The following ADGRE5 variants were observed in gnomAD, a reference collection of about 807,000 sequenced individuals.
ADGRE5 encodes the protein CD97 molecule.
ADGRE5 carries 72 observed loss-of-function variants against 100.3 expected under a neutral mutation model. The ratio of observed to expected loss-of-function variants is 0.72; its 90% CI spans 0.59 to 0.87. The LOEUF is 0.87. ADGRE5 is among the 40% of genes least tolerant of loss of function. The pLI is 0.00. For synonymous variants in ADGRE5, 439 were observed against 447.8 expected (o/e 0.98, Z 0.25); for missense variants, 959 against 1,094.7 (o/e 0.88, Z 1.75).
intron 18 of ADGRE5, 45 bp downstream of exon 18, chr19:14,407,274 T>C (rs1976299028): frequency 6.2e-7 from 1 of 1,606,394 alleles, no homozygotes; most frequent in South Asian, 1.1e-5. Context: ...TCCTCCCACC[T>C]ATTTGGGAGG....
At chr19:14,407,379 G>C (rs1208213360) in intron 18 of ADGRE5, 150 bp downstream of exon 18, 5 of 894,308 alleles carry the variant, frequency 5.6e-6, no homozygotes, top group African/African-American at 3.4e-5. Context: ...AAGATAGCCA[G>C]GGTGAGGCGC....
chr19:14,397,713 C>T lies in ADGRE5; in HGVS notation c.681C>T (p.Phe227=). ...QHQCDSSTVC[F]NTVGSYSCRC... is the part of the protein sequence containing the mutation. ...AGTGTGACAGCTCCACCGTCTGCTT[C>T]AACACCGTGGGTTCATACAGCTGCC... The change falls in exon 7 of 20, where the codon TTC becomes TTT. Residue 227 remains phenylalanine, a synonymous_variant. Coordinates refer to ENST00000242786, the MANE Select transcript of ADGRE5 (RefSeq NM_078481.4). 4.0e-6 allele frequency: 6 copies of T among 1,496,766 alleles called. No homozygotes were observed. The highest frequency in any genetic ancestry group is 5.5e-6 in the Non-Finnish European group (6 of 1,085,326). The allele number at this position is 1,496,766 out of a possible 1,614,324, so 92.7% of individuals were successfully genotyped here.
intron 18 of ADGRE5, 26 bp downstream of exon 18, chr19:14,407,255 C>T (rs369349812): frequency 3.2e-5 from 52 of 1,612,548 alleles, no homozygotes; most frequent in South Asian, 2.6e-4. Flanking sequence ...CAGTGGCGCA[C>T]GCCTGTCATC....
chr19:14,381,618 G>T, intron 1 of ADGRE5, 73 bp downstream of exon 1: 1 of 1,526,916 alleles, frequency 6.5e-7, no homozygotes, highest in East Asian at 2.4e-5. Flanking sequence ...TCTGAGAAAC[G>T]GGAGGCGCCG....
intron 4 of ADGRE5, among the ~76,000 whole-genome samples, chr19:14,395,050 C>T (rs1975725511): frequency 6.6e-6 from 1 of 152,122 alleles, no homozygotes; most frequent in Non-Finnish European, 1.5e-5. Flanking sequence ...CCTGGAATCC[C>T]AGCACTTTGG....
chr19:14,388,306 G>T, intron 1 of ADGRE5, 144 bp from the exon 2 acceptor site: 1 of 1,436,452 alleles, frequency 7.0e-7, no homozygotes. Context: ...ATCTGAGTGG[G>T]ACATGACATC....
chr19:14,390,901 C>T (rs1349571930), intron 3 of ADGRE5, 23 bp from the exon 4 acceptor site: 1 of 1,611,930 alleles, frequency 6.2e-7, no homozygotes, highest in Non-Finnish European at 8.5e-7. Context: ...TGGGAGGTGA[C>T]TCCCTGTCCT....
In ADGRE5 at chr19:14,404,891, T is replaced by C. The variant is rs1599633335; in HGVS notation, c.1629+329T>C. On this transcript the variant is annotated intron_variant, in intron 13 of 19. Coordinates refer to ENST00000242786, the MANE Select transcript of ADGRE5 (RefSeq NM_078481.4). ...GTTTTTTTTTTTTTTTGAGACGGAGTCTCTGTCGCCCAGGTTGGAGTATGG... is the reference window on the plus strand; with the variant it reads ...GTTTTTTTTTTTTTTTGAGACGGAGCCTCTGTCGCCCAGGTTGGAGTATGG... 29 of 296,056 alleles carry C rather than the reference T, an allele frequency of 9.8e-5. 1 individual carries two copies. The South Asian group carries it at 1.1e-3, about 12-fold the overall frequency. The allele number at this position is 296,056 out of a possible 1,614,324, so 18.3% of individuals were successfully genotyped here.
At chr19:14,398,352 G>A in intron 9 of ADGRE5, 1 of 571,852 alleles carries the variant, frequency 1.7e-6, no homozygotes, top group Non-Finnish European at 3.2e-6. Flanking sequence ...CAGGTATAAT[G>A]GCAACAGAGT....
chr19:14,391,120 G>T (rs1432459155), intron 4 of ADGRE5, 41 bp downstream of exon 4: 6 of 1,611,834 alleles, frequency 3.7e-6, no homozygotes, highest in Non-Finnish European at 5.1e-6. Context: ...CATCCATGAG[G>T]TTTGGGGTCA....
At chr19:14,398,701 C>G (rs1975886883) in intron 9 of ADGRE5, among the ~76,000 whole-genome samples, 1 of 143,986 alleles carries the variant, frequency 6.9e-6, no homozygotes, top group African/African-American at 2.5e-5. Context: ...AAAAAAAGAG[C>G]CTGGAGTTGG....
At chr19:14,397,312 G>T in intron 6 of ADGRE5, 89 bp downstream of exon 6, 1 of 1,587,458 alleles carries the variant, frequency 6.3e-7, no homozygotes, top group South Asian at 1.1e-5. Flanking sequence ...CAGAATGAGC[G>T]CTGGAGGCAC....
intron 18 of ADGRE5, among the ~76,000 whole-genome samples, chr19:14,407,504 G>A (rs908215172): frequency 6.6e-5 from 10 of 152,070 alleles, no homozygotes; most frequent in African/African-American, 2.4e-4. Context: ...ACAAAAATTA[G>A]CCAGGCATGG....
intron 12 of ADGRE5, among the ~76,000 whole-genome samples, 163 bp downstream of exon 12, chr19:14,403,025 T>TATTTATTTAATTTAATTAATTA (rs2146371642): frequency 6.6e-6 from 1 of 152,180 alleles, no homozygotes; most frequent in African/African-American, 2.4e-5. Context: ...TTCCTTACTT[T>TATTTATTTAATTTAATTAATTA]ATTTATTTAA....
intron 18 of ADGRE5, 25 bp from the exon 19 acceptor site, chr19:14,407,883 C>T: frequency 6.2e-7 from 1 of 1,606,832 alleles, no homozygotes; most frequent in Non-Finnish European, 8.5e-7. Context: ...CTGCTCCTGC[C>T]CTGACTTGGT....
chr19:14,391,007 G>A lies in ADGRE5; in HGVS notation c.274G>A (p.Val92Met), dbSNP rs775035938. Reference protein sequence around the residue: ...CWNTEGSYDCVCSPGYEPVSG... With the variant: ...CWNTEGSYDCMCSPGYEPVSG... ...GAACACAGAGGGGAGCTACGACTGC[G>A]TGTGCAGCCCGGGATATGAGCCTGT... Residue 92 changes from valine to methionine, a missense_variant, in exon 4 of 20, where the codon GTG becomes ATG. This residue lies in a region of ADGRE5 where 114 missense variants were observed against 195.7 expected (regional missense o/e 0.58). Transcript: ENST00000242786. The A allele has an allele frequency of 1.5e-5, 25 of 1,614,094 alleles. No homozygotes were observed. The highest frequency in any genetic ancestry group is 1.5e-4 in the Admixed American group (9 of 59,996).
At chr19:14,394,239 CT>C (rs1975698241) in intron 4 of ADGRE5, among the ~76,000 whole-genome samples, 1 of 152,156 alleles carries the variant, frequency 6.6e-6, no homozygotes, top group South Asian at 2.1e-4. Context: ...AGCCAACAGC[CT>C]GCTGGTTTGG....
chr19:14,405,131 C>T (rs929143037), intron 13 of ADGRE5: 1 of 153,844 alleles, frequency 6.5e-6, no homozygotes, highest in African/African-American at 2.4e-5. Context: ...AGGTGTCAGC[C>T]ACCGCACCCG....
intron 13 of ADGRE5, 137 bp downstream of exon 13, chr19:14,404,699 G>A (rs1407055216): frequency 2.6e-6 from 2 of 771,900 alleles, no homozygotes; most frequent in Non-Finnish European, 4.1e-6. Context: ...GTGTCCCCAC[G>A]TCACACCCTT....
Sources: gnomAD v4.1 joint callset for allele counts (sites outside exome capture counted in the v4.1 genomes callset) on GRCh38, gnomAD v4.1.1 for gene constraint, gnomAD v4.1.1 regional missense constraint, MANE v1.5 for transcripts, NCBI Gene and HGNC (gene_info 2026-07-23, HGNC 2026-07-21) for gene names.